SOAT1: variants seen among roughly 807,000 people sequenced by gnomAD.
SOAT1 encodes the protein acyl-coenzyme A:cholesterol acyltransferase 1.
SOAT1 carries 55 observed loss-of-function variants against 69.5 expected under a neutral mutation model. The observed-to-expected ratio is 0.79, with a 90% CI of 0.64 to 0.99. The LOEUF is 0.99. Ranked by LOEUF, SOAT1 falls within the 50% of genes least tolerant of loss-of-function variation. SOAT1 has a pLI of 0.00. For synonymous variants in SOAT1, 231 were observed against 224.7 expected (o/e 1.03, Z -0.25); for missense variants, 580 against 669.3 (o/e 0.87, Z 1.47).
intron 1 of SOAT1, among the ~76,000 whole-genome samples, chr1:179,299,527 A>T (rs1030443134): frequency 1.3e-5 from 2 of 152,178 alleles, no homozygotes; most frequent in Admixed American, 1.3e-4. Flanking sequence ...AGGGAAGAGT[A>T]TATGGGACAC....
chr1:179,343,641 T>C lies in SOAT1; in HGVS notation c.987+6T>C. On this transcript the variant is annotated splice_donor_region_variant and intron_variant, in intron 10 of 15. Transcript: ENST00000367619. ...TCGCTATGAAGTTTGCACAGGTAAG[T>C]TTTTGTAACTGCCTAAGGTATGTTG... The C allele has an allele frequency of 6.2e-7, 1 of 1,602,396 alleles. No individual in the cohort carries two copies.
chr1:179,328,722 A>T (rs1193427760), intron 3 of SOAT1, among the ~76,000 whole-genome samples: 2 of 152,198 alleles, frequency 1.3e-5, no homozygotes, highest in Non-Finnish European at 2.9e-5. Flanking sequence ...AGGATGAAAA[A>T]AATTACTTTC....
intron 10 of SOAT1, among the ~76,000 whole-genome samples, chr1:179,344,294 A>C (rs575346014): frequency 3.4e-5 from 5 of 147,946 alleles, no homozygotes; most frequent in African/African-American, 1.2e-4. Flanking sequence ...GGAAGATCCC[A>C]TTTTAAATTA....
At chr1:179,310,382 CTAGT>C (rs779089113) in intron 2 of SOAT1, among the ~76,000 whole-genome samples, 2 of 151,122 alleles carry the variant, frequency 1.3e-5, no homozygotes, top group Non-Finnish European at 1.5e-5. Context: ...TCCAAAATGG[CTAGT>C]TAGTTGTTTC....
At chr1:179,325,393 C>T (rs1456480241) in intron 3 of SOAT1, among the ~76,000 whole-genome samples, 1 of 152,048 alleles carries the variant, frequency 6.6e-6, no homozygotes, top group Admixed American at 6.6e-5. Context: ...ACCTCGTGAG[C>T]TGCCCGCCTC....
intron 2 of SOAT1, among the ~76,000 whole-genome samples, chr1:179,319,064 C>T (rs1254175635): frequency 6.6e-6 from 1 of 152,066 alleles, no homozygotes; most frequent in Non-Finnish European, 1.5e-5. Flanking sequence ...CCAGCAATAT[C>T]CTGGATAGTT....
intron 4 of SOAT1, 39 bp downstream of exon 4, chr1:179,335,696 T>TC: frequency 6.5e-7 from 1 of 1,540,476 alleles, no homozygotes; most frequent in South Asian, 1.2e-5. Context: ...AAACATCTAC[T>TC]CAGTATAGTT....
chr1:179,298,803 A>G (rs889356175), intron 1 of SOAT1, among the ~76,000 whole-genome samples: 1 of 152,224 alleles, frequency 6.6e-6, no homozygotes, highest in East Asian at 1.9e-4. Context: ...GAATAGTTGT[A>G]TGAGTACTCA....
intron 3 of SOAT1, among the ~76,000 whole-genome samples, chr1:179,327,421 C>T (rs901856635): frequency 1.3e-5 from 2 of 152,100 alleles, no homozygotes; most frequent in Admixed American, 1.3e-4. Flanking sequence ...TAAAGGTTTA[C>T]GTCATAATTG....
Position 179,338,317 on chromosome 1 carries a change from G to A in SOAT1, c.389+421G>A, listed in dbSNP as rs1666225191. Among the ~76,000 whole-genome samples, 5 of 152,194 alleles carry A rather than the reference G, an allele frequency of 3.3e-5. No homozygotes were observed. In the South Asian group the frequency reaches 8.3e-4, roughly 25 times the overall value. ...ACAGGAGGATCGCTTGAGCCCGGAA[G>A]GGTGGAGGTTGCCATGGGCTGAGAT... On this transcript the variant is annotated intron_variant, in intron 5 of 15. Transcript: ENST00000367619.
rs192622207 is a variant in SOAT1, at chr1:179,315,681, C to G, written c.119-7756C>G. Among the ~76,000 whole-genome samples, 236 of 152,292 alleles carry G rather than the reference C, an allele frequency of 1.5e-3. 1 individual carries two copies. The highest frequency in any genetic ancestry group is 5.5e-3 in the African/African-American group (228 of 41,566). On this transcript the variant is annotated intron_variant, in intron 2 of 15. Transcript: ENST00000367619. ...ATTTTCAGTGGGGTCTTCAGAGACT[C>G]TGTGAACAAATCTTTTTTCTAACTT...
In SOAT1 at chr1:179,341,091, CT is replaced by C. The variant is rs1401213180; in HGVS notation, c.562del (p.Trp188GlyfsTer30). On this transcript the variant is annotated frameshift_variant, in exon 7 of 16. Transcript: ENST00000367619. LOFTEE classifies it high-confidence loss of function. ...FGKFPTVVWTWWIMFLSTFSV... is the reference protein window; with the variant it reads ...FGKFPTVVWTXWIMFLSTFSV... ...GCAAATTTCCTACCGTTGTTTGGACCTGGTGGATCATGTTCCTGTCTACATT... is the reference window on the plus strand; with the variant it reads ...GCAAATTTCCTACCGTTGTTTGGACCGGTGGATCATGTTCCTGTCTACATT... 5.6e-6 allele frequency: 9 copies of C among 1,613,942 alleles called. No individual in the cohort carries two copies. In the African/African-American group the frequency reaches 1.1e-4, roughly 19 times the overall value.
chr1:179,354,687 T>TTA lies in SOAT1; in HGVS notation c.*1047_*1048dup. On this transcript the variant is annotated 3_prime_UTR_variant, in exon 16 of 16. Transcript: ENST00000367619. ...CTTCTGCATTTGCTCAGTTATACTT[T>TTA]TAATGGTAGTATGTTTTTAGGTGGA... is the stretch of plus-strand genomic sequence containing the variant. 1 of 152,314 alleles carries TTA rather than the reference T, an allele frequency of 6.6e-6. No individual in the cohort carries two copies. Among genetic ancestry groups the TTA allele is most frequent in the South Asian group, 2.1e-4 (1 of 4,822 alleles). The allele number at this position is 152,314 out of a possible 1,614,324, so 9.4% of individuals were successfully genotyped here. A position where few individuals can be genotyped will look rare whatever the true frequency, so the allele number is the denominator to read the frequency against.
intron 2 of SOAT1, among the ~76,000 whole-genome samples, chr1:179,303,637 C>T (rs936064392): frequency 1.3e-5 from 2 of 152,152 alleles, no homozygotes; most frequent in African/African-American, 4.8e-5. Context: ...AGCTGGATCC[C>T]ACCAGGAATG....
At chr1:179,332,648 C>T (rs112181530) in intron 3 of SOAT1, among the ~76,000 whole-genome samples, 2,375 of 152,028 alleles carry the variant, frequency 0.016, 64 homozygotes, top group African/African-American at 0.053. Context: ...TCAGTAGATA[C>T]GAGATTGAAA....
rs541524716 is a variant in SOAT1, at chr1:179,296,973, G to A, written c.-9+3037G>A. On this transcript the variant is annotated intron_variant, in intron 1 of 15. Transcript: ENST00000367619. The stretch of plus-strand genomic sequence containing the variant: ...TTCTTAAGAAATTCTTTTTCAATCA[G>A]TGTGTTGTATAAATAGCTGTCTACT... Among the ~76,000 whole-genome samples the A allele has an allele frequency of 7.5e-4, 114 of 152,280 alleles. 1 individual carries two copies. The highest frequency in any genetic ancestry group is 2.6e-3 in the African/African-American group (108 of 41,540).
intron 3 of SOAT1, among the ~76,000 whole-genome samples, chr1:179,325,928 G>T (rs1486097076): frequency 1.3e-5 from 2 of 152,196 alleles, no homozygotes; most frequent in East Asian, 1.9e-4. Context: ...AGAAAGTAAT[G>T]AATGAAATAA....
chr1:179,308,190 A>C (rs1011376529), intron 2 of SOAT1, among the ~76,000 whole-genome samples: 5 of 152,192 alleles, frequency 3.3e-5, no homozygotes, highest in African/African-American at 1.2e-4. Flanking sequence ...GAGAATTATA[A>C]TCTACATGAA....
chr1:179,339,770 A>C (rs1666268427), intron 6 of SOAT1, among the ~76,000 whole-genome samples: 1 of 152,234 alleles, frequency 6.6e-6, no homozygotes, highest in Non-Finnish European at 1.5e-5. Context: ...ATAATCAGTA[A>C]TTTCTAGGTA....
Sources: allele counts gnomAD v4.1 joint callset (sites outside exome capture counted in the v4.1 genomes callset), GRCh38; gene constraint gnomAD v4.1.1; transcripts MANE v1.5; gene names NCBI Gene and HGNC (gene_info 2026-07-23, HGNC 2026-07-21).